The following HIVEP1 variants were observed in gnomAD, a reference collection of about 807,000 sequenced individuals.
HIVEP1 encodes the protein zinc finger protein 40.
In HIVEP1, 36 loss-of-function variants were observed where a neutral mutation model predicts 180.0. The observed-to-expected ratio is 0.20, with a 90% CI of 0.15 to 0.26. HIVEP1 has a LOEUF of 0.26. Among genes scored for constraint, HIVEP1 ranks in the 10% least tolerant of loss-of-function variants. The probability of loss-of-function intolerance (pLI) is 1.00; values close to 1 mark genes in which losing one functional copy is unlikely to be tolerated. For missense variants in HIVEP1, 3,143 were observed against 3,268.7 expected, an observed-to-expected ratio of 0.96 and a Z score of 0.94; for synonymous variants, 1,239 against 1,239.0, an observed-to-expected ratio of 1.00 and a Z score of 0.00.
At chr6:12,193,807 CA>C in the HIVEP1 span, among the ~76,000 whole-genome samples, 1 of 152,128 alleles carries the variant, frequency 6.6e-6, no homozygotes, top group South Asian at 2.1e-4. Flanking sequence ...AGAGACGAAG[CA>C]AAAGTCACAG....
At chr6:12,145,505 A>T (rs1415557505) in intron 7 of HIVEP1, among the ~76,000 whole-genome samples, 2 of 148,144 alleles carry the variant, frequency 1.4e-5, no homozygotes, top group African/African-American at 4.9e-5. Context: ...GTACCCTAGA[A>T]CTTAAAGTAT....
Position 12,124,618 on chromosome 6 carries a change from G to A in HIVEP1, c.4823G>A (p.Ser1608Asn), listed in dbSNP as rs748268020. 1 of 1,614,136 alleles carries A rather than the reference G, an allele frequency of 6.2e-7. No homozygotes were observed. The highest frequency in any genetic ancestry group is 8.5e-7 in the Non-Finnish European group (1 of 1,180,024). ...ACATTACCAACCAAATTAATTGACA[G>A]CATGTCTAATTCGCATCCTCTGCTA... ...SATLPTKLID[S>N]MSNSHPLLPP... Residue 1608 changes from serine to asparagine, a missense_variant, in exon 4 of 9, where the codon AGC becomes AAC. Coordinates refer to ENST00000379388, the MANE Select transcript of HIVEP1 (RefSeq NM_002114.4).
intron 2 of HIVEP1, among the ~76,000 whole-genome samples, chr6:12,084,917 C>T (rs901998943): frequency 6.6e-6 from 1 of 152,030 alleles, no homozygotes; most frequent in Non-Finnish European, 1.5e-5. Context: ...ATAGTTGACT[C>T]GAGTGCTTTC....
chr6:12,042,001 C>T lies in HIVEP1; in HGVS notation c.40+26333C>T, dbSNP rs563056561. Among the ~76,000 whole-genome samples, 11 of 151,204 alleles carry T rather than the reference C, an allele frequency of 7.3e-5. No homozygotes were observed. The South Asian group carries it at 2.3e-3, about 32-fold the overall frequency. On this transcript the variant is annotated intron_variant, in intron 2 of 8. Transcript: ENST00000379388. ...CTTTTCAGTTTTGCTTTTATTTTTGCCATTACAAACGACTGCAGTAAACAT... is the reference window on the plus strand; with the variant it reads ...CTTTTCAGTTTTGCTTTTATTTTTGTCATTACAAACGACTGCAGTAAACAT...
intron 2 of HIVEP1, among the ~76,000 whole-genome samples, chr6:12,041,749 C>T (rs1449603703): frequency 6.6e-6 from 1 of 151,866 alleles, no homozygotes; most frequent in African/African-American, 2.4e-5. Context: ...CTGCAACCTC[C>T]GCCTCCCAGG....
chr6:12,153,571 CAAAAAAA>C (rs3070558), intron 7 of HIVEP1, among the ~76,000 whole-genome samples: 5 of 94,652 alleles, frequency 5.3e-5, no homozygotes, highest in Middle Eastern at 6.8e-3. Flanking sequence ...GTAAGAAATG[CAAAAAAA>C]AAAAAAAAAA....
At chr6:12,038,968 A>G (rs566193396) in intron 2 of HIVEP1, 2 of 152,358 alleles carry the variant, frequency 1.3e-5, no homozygotes, top group African/African-American at 4.8e-5. Context: ...GACACTTTAT[A>G]TAATATACCT....
intron 3 of HIVEP1, among the ~76,000 whole-genome samples, chr6:12,106,031 CAT>C (rs1416487026): frequency 2.0e-5 from 3 of 151,300 alleles, no homozygotes; most frequent in South Asian, 2.1e-4. Flanking sequence ...TATACACACA[CAT>C]ATATACATAT....
the HIVEP1 span, among the ~76,000 whole-genome samples, chr6:12,195,725 A>T: frequency 6.6e-6 from 1 of 152,220 alleles, no homozygotes; most frequent in Non-Finnish European, 1.5e-5. Flanking sequence ...TGTGTACGAT[A>T]ATCATGAGTA....
intron 2 of HIVEP1, among the ~76,000 whole-genome samples, chr6:12,061,006 C>T (rs1375598786): frequency 4.6e-5 from 7 of 151,922 alleles, no homozygotes; most frequent in African/African-American, 7.3e-5. Flanking sequence ...AGCCCATGAG[C>T]GAGAGTCTGC....
At chr6:12,071,706 T>G (rs1176487520) in intron 2 of HIVEP1, among the ~76,000 whole-genome samples, 1 of 152,230 alleles carries the variant, frequency 6.6e-6, no homozygotes, top group African/African-American at 2.4e-5. Flanking sequence ...TTTTGTGTTA[T>G]TAAAAAATAA....
chr6:12,048,593 C>T (rs946386458), intron 2 of HIVEP1, among the ~76,000 whole-genome samples: 27 of 152,214 alleles, frequency 1.8e-4, no homozygotes, highest in African/African-American at 5.8e-4. Context: ...TACCTGGATA[C>T]ACTCTCTAAT....
At chr6:12,068,278 C>T (rs149306053) in intron 2 of HIVEP1, among the ~76,000 whole-genome samples, 1 of 151,872 alleles carries the variant, frequency 6.6e-6, no homozygotes, top group African/African-American at 2.4e-5. Flanking sequence ...TTAGTAGAGG[C>T]GGGGTTTCAC....
chr6:12,208,325 T>C, the HIVEP1 span, among the ~76,000 whole-genome samples: 1 of 152,194 alleles, frequency 6.6e-6, no homozygotes, highest in African/African-American at 2.4e-5. Flanking sequence ...TGATGAGCCC[T>C]GGGAACCCTT....
At chr6:12,147,204 G>T (rs188134326) in intron 7 of HIVEP1, among the ~76,000 whole-genome samples, 17 of 152,202 alleles carry the variant, frequency 1.1e-4, no homozygotes, top group African/African-American at 3.6e-4. Flanking sequence ...GCCATTTCAG[G>T]TTTAAACTCT....
At position 12,130,617 on chromosome 6, in the gene HIVEP1, C is replaced by T. The variant is rs116363934; in HGVS notation, c.6210-150C>T. The T allele has an allele frequency of 4.4e-3, 2,148 of 492,040 alleles. 40 individuals are homozygous for T. Among genetic ancestry groups the T allele is most frequent in the African/African-American group, 0.036 (1,870 of 52,028 alleles). The allele number at this position is 492,040 out of a possible 1,614,324, so 30.5% of individuals were successfully genotyped here. ...CTATATTAAGTGTTGATGTAAAAAG[C>T]TGGAATATTCTGTTACACATGCATA... On this transcript the variant is annotated intron_variant, in intron 5 of 8. Transcript: ENST00000379388.
chr6:12,047,170 T>C (rs1247822057), intron 2 of HIVEP1, among the ~76,000 whole-genome samples: 1 of 152,112 alleles, frequency 6.6e-6, no homozygotes, highest in African/African-American at 2.4e-5. Context: ...ACCACATTGT[T>C]AAAGGCATAA....
chr6:12,101,904 G>A (rs1774134422), intron 3 of HIVEP1, among the ~76,000 whole-genome samples: 1 of 151,850 alleles, frequency 6.6e-6, no homozygotes, highest in African/African-American at 2.4e-5. Flanking sequence ...TGAAAGGATA[G>A]GAAAAGATGT....
intron 2 of HIVEP1, among the ~76,000 whole-genome samples, chr6:12,048,625 C>A (rs1489391716): frequency 1.3e-5 from 2 of 152,066 alleles, no homozygotes; most frequent in African/African-American, 4.8e-5. Context: ...CATTTAAGGG[C>A]GAATACAGAA....
Sources: gnomAD v4.1 joint callset for allele counts (sites outside exome capture counted in the v4.1 genomes callset) on GRCh38, gnomAD v4.1.1 for gene constraint, MANE v1.5 for transcripts, NCBI Gene and HGNC (gene_info 2026-07-23, HGNC 2026-07-21) for gene names.